CDH1: variants seen among roughly 807,000 people sequenced by gnomAD.
CDH1 encodes the protein cadherin-1.
A neutral mutation model predicts 84.5 loss-of-function variants in CDH1; 35 were observed. The observed-to-expected ratio is 0.41, with a 90% CI of 0.32 to 0.55. The LOEUF (loss-of-function observed/expected upper bound fraction) is 0.55. CDH1 is among the 20% of genes least tolerant of loss of function. The probability of loss-of-function intolerance (pLI) is 0.19; values close to 1 mark genes in which losing one functional copy is unlikely to be tolerated. For missense variants in CDH1, 994 were observed against 1,126.6 expected (o/e 0.88, Z 1.68); for synonymous variants, 417 against 439.0 (o/e 0.95, Z 0.63).
chr16:68,812,076 C>G (rs2152132383), intron 7 of CDH1, 59 bp from the exon 8 acceptor site: 2 of 1,612,494 alleles, frequency 1.2e-6, no homozygotes, highest in Non-Finnish European at 1.7e-6. Context: ...TTGGGCTGGG[C>G]TAGGCCAAAG....
intron 2 of CDH1, among the ~76,000 whole-genome samples, chr16:68,741,894 C>T (rs577575373): frequency 6.6e-6 from 1 of 152,318 alleles, no homozygotes; most frequent in East Asian, 1.9e-4. Flanking sequence ...TGGTCTCAAA[C>T]TCCTGACCTC....
At position 68,812,292 on chromosome 16, in the gene CDH1, C is replaced by G. The variant is rs371355972; in HGVS notation, c.1137+29C>G. 3.7e-6 allele frequency: 6 copies of G among 1,612,492 alleles called. No individual in the cohort carries two copies. The African/African-American group carries it at 8.0e-5, about 22-fold the overall frequency. On this transcript the variant is annotated intron_variant, in intron 8 of 15. Transcript: ENST00000261769. ...ATTCTATAACTCCTTAGAGGGTTTC[C>G]AAAGAAAGGTCTTTTGTTGTTCATG...
chr16:68,805,782 A>G (rs1960638739), intron 3 of CDH1, among the ~76,000 whole-genome samples: 1 of 151,946 alleles, frequency 6.6e-6, no homozygotes, highest in African/African-American at 2.4e-5. Context: ...ATTAGTAGAA[A>G]CAGGATTTCA....
intron 10 of CDH1, among the ~76,000 whole-genome samples, chr16:68,817,937 T>G (rs1235324927): frequency 6.6e-6 from 1 of 152,106 alleles, no homozygotes; most frequent in East Asian, 1.9e-4. Flanking sequence ...AAAGTTTTGT[T>G]TCCTAAAATT....
chr16:68,808,213 C>T (rs929454984), intron 3 of CDH1, among the ~76,000 whole-genome samples: 10 of 152,126 alleles, frequency 6.6e-5, no homozygotes, highest in African/African-American at 1.7e-4. Flanking sequence ...GCAGTCTTTA[C>T]GATATAGCAA....
intron 2 of CDH1, 102 bp from the exon 3 acceptor site, chr16:68,801,568 T>G: frequency 1.1e-6 from 1 of 907,486 alleles, no homozygotes; most frequent in Non-Finnish European, 1.9e-6. Flanking sequence ...TTGGTTGTGT[T>G]TGGTTTTGTG....
intron 13 of CDH1, among the ~76,000 whole-genome samples, chr16:68,827,815 C>T (rs1185005277): frequency 6.6e-6 from 1 of 152,154 alleles, no homozygotes; most frequent in Non-Finnish European, 1.5e-5. Context: ...GCCTCCTCAC[C>T]TTCCCTCCAT....
intron 2 of CDH1, among the ~76,000 whole-genome samples, chr16:68,759,479 TTTTC>T (rs1373624171): frequency 2.0e-5 from 3 of 151,646 alleles, no homozygotes; most frequent in Admixed American, 1.3e-4. Context: ...TTCCATTTTC[TTTTC>T]TTTCTTTTTT....
rs959898828 is a variant in CDH1 at position 68,835,131 on chromosome 16, AT to A, written c.*1639del. 2 of 231,116 alleles carry A rather than the reference AT, an allele frequency of 8.7e-6. No homozygotes were observed. Among genetic ancestry groups the A allele is most frequent in the African/African-American group, 2.2e-5 (1 of 45,132 alleles). 14.3% of individuals were successfully genotyped at this position (231,116 alleles called of 1,614,324 possible). The stretch of plus-strand genomic sequence containing the variant: ...AAACCGAGAATATTCAAAATTCCAA[AT>A]TTTTTTCTTAGGAGCAAGAAGAAAA... On this transcript the variant is annotated 3_prime_UTR_variant, in exon 16 of 16. Coordinates refer to ENST00000261769, the MANE Select transcript of CDH1 (RefSeq NM_004360.5).
chr16:68,801,876 C>T lies in CDH1; in HGVS notation c.370C>T (p.Arg124Cys), dbSNP rs748086082. 49 of 1,613,458 alleles carry T rather than the reference C, an allele frequency of 3.0e-5. No homozygotes were observed. In the Middle Eastern group the frequency reaches 8.2e-4, roughly 27 times the overall value. ...GCTGAATACAGTGGGGCACCACCAC[C>T]GCCCCCCGCCCCATCAGGTATGTTG... Reference protein sequence around the residue: ...VTLNTVGHHHRPPPHQASVSG... With the variant: ...VTLNTVGHHHCPPPHQASVSG... Residue 124 changes from arginine (R) to cysteine (C), a missense_variant, in exon 3 of 16, where the codon CGC becomes TGC. Physicochemically the swap from Arg to Cys is radical, Grantham distance 180. Transcript: ENST00000261769.
rs114740986 is a variant in CDH1, at chr16:68,743,414, A to G, written c.163+5003A>G. Among the ~76,000 whole-genome samples the G allele has an allele frequency of 3.8e-3, 557 of 145,870 alleles. 7 individuals are homozygous for G. The highest frequency in any genetic ancestry group is 0.013 in the African/African-American group (501 of 38,922). On this transcript the variant is annotated intron_variant, in intron 2 of 15. Coordinates refer to ENST00000261769, the MANE Select transcript of CDH1 (RefSeq NM_004360.5). ...AGTGTCACTCTGTCGCTCAGGCTGG[A>G]GTGTAGAGAGGTAGGATCTCAGCTC...
rs188930691 is a variant in CDH1, at chr16:68,746,473, C to G, written c.163+8062C>G. Among the ~76,000 whole-genome samples the G allele has an allele frequency of 4.6e-5, 7 of 152,174 alleles. No individual in the cohort carries two copies. The East Asian group carries it at 1.4e-3, about 30-fold the overall frequency. On this transcript the variant is annotated intron_variant, in intron 2 of 15. Transcript: ENST00000261769. Reference sequence around the variant, plus strand: ...AGCTCCTCAGATATCTGCTGCCACTCAATGCATTTCCCTGGACAATCCCAG... The same window carrying G: ...AGCTCCTCAGATATCTGCTGCCACTGAATGCATTTCCCTGGACAATCCCAG...
chr16:68,813,628 C>A, intron 9 of CDH1, 133 bp downstream of exon 9: 1 of 884,984 alleles, frequency 1.1e-6, no homozygotes, highest in Non-Finnish European at 1.9e-6. Flanking sequence ...TTGTAGTGGA[C>A]CATGTGGGAT....
intron 2 of CDH1, among the ~76,000 whole-genome samples, chr16:68,760,734 A>G (rs1192465172): frequency 1.3e-5 from 2 of 152,148 alleles, no homozygotes; most frequent in Admixed American, 6.5e-5. Flanking sequence ...GTGATAGAAA[A>G]CACTGGGATG....
At chr16:68,772,551 C>T (rs1354740754) in intron 2 of CDH1, among the ~76,000 whole-genome samples, 2 of 152,118 alleles carry the variant, frequency 1.3e-5, no homozygotes, top group African/African-American at 2.4e-5. Flanking sequence ...TAACCCGCAC[C>T]GTATACAGAT....
chr16:68,766,531 G>A (rs539779946), intron 2 of CDH1, among the ~76,000 whole-genome samples: 4 of 152,228 alleles, frequency 2.6e-5, no homozygotes, highest in African/African-American at 9.6e-5. Flanking sequence ...ATAAGGTTTT[G>A]GGGGAGATTA....
chr16:68,817,126 G>A (rs1961007921), intron 10 of CDH1, among the ~76,000 whole-genome samples: 1 of 152,192 alleles, frequency 6.6e-6, no homozygotes, highest in Non-Finnish European at 1.5e-5. Context: ...CAGTTTCTTA[G>A]AGCCCTTTCC....
In CDH1 at chr16:68,819,446, C is replaced by A. The variant is rs765089739; in HGVS notation, c.1711+21C>A. On this transcript the variant is annotated intron_variant, in intron 11 of 15. Coordinates refer to ENST00000261769, the MANE Select transcript of CDH1 (RefSeq NM_004360.5). ...CAATGGTAAGGGGGCCTCATCTGAGCCTTTGCTGCCTCGACCTCCTAGCTA... is the reference window on the plus strand; with the variant it reads ...CAATGGTAAGGGGGCCTCATCTGAGACTTTGCTGCCTCGACCTCCTAGCTA... 5 of 1,611,980 alleles carry A rather than the reference C, an allele frequency of 3.1e-6. No individual in the cohort carries two copies. The South Asian group carries it at 5.5e-5, about 18-fold the overall frequency.
At chr16:68,744,803 T>C (rs1962678932) in intron 2 of CDH1, among the ~76,000 whole-genome samples, 2 of 152,108 alleles carry the variant, frequency 1.3e-5, no homozygotes, top group Non-Finnish European at 2.9e-5. Flanking sequence ...GAATATGAAA[T>C]ATTAGAGCCC....
Sources: gnomAD v4.1 joint callset for allele counts (sites outside exome capture counted in the v4.1 genomes callset) on GRCh38, gnomAD v4.1.1 for gene constraint, MANE v1.5 for transcripts, NCBI Gene and HGNC (gene_info 2026-07-23, HGNC 2026-07-21) for gene names.